The following FSTL4 variants were observed in gnomAD, a reference collection of about 807,000 sequenced individuals.
The protein encoded by FSTL4 is follistatin like 4.
In FSTL4, 28 loss-of-function variants were observed where a neutral mutation model predicts 78.2. The ratio of observed to expected loss-of-function variants is 0.36; its 90% CI spans 0.27 to 0.49. The LOEUF is 0.49. FSTL4 is among the 20% of genes least tolerant of loss of function. FSTL4 has a pLI of 0.98. For missense variants in FSTL4, 922 were observed against 1,084.9 expected (o/e 0.85, Z 2.11); for synonymous variants, 422 against 440.5 (o/e 0.96, Z 0.53).
At chr5:133,653,835 C>T in the FSTL4 span, among the ~76,000 whole-genome samples, 2 of 152,342 alleles carry the variant, frequency 1.3e-5, no homozygotes, top group African/African-American at 4.8e-5. Context: ...CACGCACATG[C>T]ACACATGGCT....
At chr5:133,644,450 C>T in the FSTL4 span, among the ~76,000 whole-genome samples, 131,839 of 152,078 alleles carry the variant, frequency 0.87, 57,536 homozygotes, top group East Asian at 0.97. Context: ...TCTCTGCAAG[C>T]CTCTCCCTCT....
intron 3 of FSTL4, among the ~76,000 whole-genome samples, chr5:133,522,008 G>A (rs191946030): frequency 6.6e-5 from 10 of 152,326 alleles, no homozygotes; most frequent in Admixed American, 5.9e-4. Flanking sequence ...TGCCAAAGAT[G>A]TGGAAACTTC....
At chr5:133,240,392 ATC>A (rs1485791307) in intron 7 of FSTL4, among the ~76,000 whole-genome samples, 1 of 152,202 alleles carries the variant, frequency 6.6e-6, no homozygotes, top group Non-Finnish European at 1.5e-5. Context: ...ACTTGGAGCA[ATC>A]TCTAAGTAGC....
chr5:133,657,233 G>A, the FSTL4 span, among the ~76,000 whole-genome samples: 6 of 152,166 alleles, frequency 3.9e-5, no homozygotes, highest in Non-Finnish European at 8.8e-5. Flanking sequence ...GACACACAGG[G>A]CAGTCTGTAG....
chr5:133,769,280 G>C, the FSTL4 span, among the ~76,000 whole-genome samples: 1 of 152,240 alleles, frequency 6.6e-6, no homozygotes, highest in Non-Finnish European at 1.5e-5. Flanking sequence ...GATTCCAGTG[G>C]CTGGAAATGT....
chr5:133,684,456 C>A, the FSTL4 span, among the ~76,000 whole-genome samples: 3 of 152,326 alleles, frequency 2.0e-5, no homozygotes, highest in Middle Eastern at 6.8e-3. Context: ...ACCTCCCAAG[C>A]GCAGAAAGGC....
In FSTL4 at chr5:133,232,537, C is replaced by G. The variant is rs536405666; in HGVS notation, c.1015+880G>C. Among the ~76,000 whole-genome samples, 6 of 152,324 alleles carry G rather than the reference C, an allele frequency of 3.9e-5. No homozygotes were observed. In the East Asian group the frequency reaches 1.2e-3, roughly 29 times the overall value. ...ACACCAACAATCACCCCCGTATCTA[C>G]CCTACCTTGGACTGTGAACTACATC... On this transcript the variant is annotated intron_variant, in intron 8 of 15. Coordinates refer to ENST00000265342, the MANE Select transcript of FSTL4 (RefSeq NM_015082.2).
intron 7 of FSTL4, among the ~76,000 whole-genome samples, chr5:133,243,294 G>A (rs977112102): frequency 2.6e-5 from 4 of 152,072 alleles, no homozygotes; most frequent in African/African-American, 9.7e-5. Context: ...AATATACTGA[G>A]TTTGTTGTAG....
chr5:133,825,770 C>A, the FSTL4 span, among the ~76,000 whole-genome samples: 6 of 152,242 alleles, frequency 3.9e-5, no homozygotes, highest in Non-Finnish European at 8.8e-5. Context: ...CCGGCCCTGT[C>A]TGACAGCCCA....
At chr5:133,262,150 C>T (rs1173957596) in intron 6 of FSTL4, among the ~76,000 whole-genome samples, 2 of 152,218 alleles carry the variant, frequency 1.3e-5, no homozygotes, top group East Asian at 3.8e-4. Context: ...TCCTTTCCTC[C>T]AGCAGCTAAA....
At chr5:133,741,539 G>A in the FSTL4 span, among the ~76,000 whole-genome samples, 1 of 152,232 alleles carries the variant, frequency 6.6e-6, no homozygotes, top group African/African-American at 2.4e-5. Flanking sequence ...ACCACCCATA[G>A]CAGCCAGGGA....
At chr5:133,226,534 G>T (rs1156674243) in intron 8 of FSTL4, among the ~76,000 whole-genome samples, 1 of 152,194 alleles carries the variant, frequency 6.6e-6, no homozygotes, top group Admixed American at 6.5e-5. Flanking sequence ...ATGAGGGTCT[G>T]GAGGACCCTC....
At chr5:133,302,069 C>G (rs571383393) in intron 6 of FSTL4, among the ~76,000 whole-genome samples, 16 of 151,958 alleles carry the variant, frequency 1.1e-4, no homozygotes, top group Non-Finnish European at 2.1e-4. Context: ...AAACTAGTTA[C>G]GAGCGTTCGC....
chr5:133,674,154 G>A, the FSTL4 span, among the ~76,000 whole-genome samples: 2 of 152,112 alleles, frequency 1.3e-5, no homozygotes, highest in Non-Finnish European at 2.9e-5. Flanking sequence ...CTCCACCAGC[G>A]AAGGGCTCCC....
At chr5:133,292,125 G>T (rs572664941) in intron 6 of FSTL4, among the ~76,000 whole-genome samples, 5 of 152,274 alleles carry the variant, frequency 3.3e-5, no homozygotes, top group South Asian at 4.1e-4. Flanking sequence ...GACCCTTGGG[G>T]TCGTGCTGCC....
chr5:133,481,014 C>T (rs115555207), intron 3 of FSTL4, among the ~76,000 whole-genome samples: 2,248 of 151,884 alleles, frequency 0.015, 46 homozygotes, highest in African/African-American at 0.05. Flanking sequence ...GAGTAACCCG[C>T]TGGGTTCCAG....
chr5:133,842,041 C>T, the FSTL4 span, among the ~76,000 whole-genome samples: 1 of 152,244 alleles, frequency 6.6e-6, no homozygotes, highest in African/African-American at 2.4e-5. Context: ...CTTCCACCTT[C>T]CTTCCCTCCT....
rs31339 is a variant in FSTL4, at chr5:133,462,256, C to T, written c.161-61270G>A. Among the ~76,000 whole-genome samples the T allele has an allele frequency of 3.3e-5, 5 of 152,232 alleles. No homozygotes were observed. In the East Asian group the frequency reaches 9.6e-4, roughly 29 times the overall value. ...AAACAGAAAGCTGGCCAGGTGCTCA[C>T]ACACAGGCTTGGCACTCATAGCCCT... On this transcript the variant is annotated intron_variant, in intron 3 of 15. Transcript: ENST00000265342.
At chr5:133,242,782 C>CT (rs1364501340) in intron 7 of FSTL4, among the ~76,000 whole-genome samples, 1 of 152,182 alleles carries the variant, frequency 6.6e-6, no homozygotes, top group African/African-American at 2.4e-5. Context: ...TGGCCAAAGC[C>CT]TTTAAGTGCT....
Sources: gnomAD v4.1 joint callset for allele counts (sites outside exome capture counted in the v4.1 genomes callset) on GRCh38, gnomAD v4.1.1 for gene constraint, MANE v1.5 for transcripts, NCBI Gene and HGNC (gene_info 2026-07-23, HGNC 2026-07-21) for gene names.